Variants in TMTC4 observed in about 807,000 individuals in gnomAD.
TMTC4 encodes the protein protein O-mannosyl-transferase TMTC4.
A neutral mutation model predicts 86.0 loss-of-function variants in TMTC4; 65 were observed. That is an observed-to-expected ratio of 0.76 (90% CI 0.62 to 0.93). The LOEUF (loss-of-function observed/expected upper bound fraction) is 0.93, where lower values mean the gene tolerates loss of function less well. Ranked by LOEUF, TMTC4 falls within the 40% of genes least tolerant of loss-of-function variation. The probability of loss-of-function intolerance (pLI) is 0.00; values close to 1 mark genes in which losing one functional copy is unlikely to be tolerated. For synonymous variants in TMTC4, 379 were observed against 382.5 expected (o/e 0.99, Z 0.11); for missense variants, 866 against 948.1 (o/e 0.91, Z 1.14).
At chr13:100,643,604 G>A (rs1883323370) in intron 6 of TMTC4, among the ~76,000 whole-genome samples, 1 of 152,216 alleles carries the variant, frequency 6.6e-6, no homozygotes, top group Admixed American at 6.5e-5. Context: ...TGGGGTAGAG[G>A]AGGGAGAAAG....
intron 15 of TMTC4, among the ~76,000 whole-genome samples, chr13:100,620,155 C>CT (rs1223866608): frequency 6.6e-6 from 1 of 152,220 alleles, no homozygotes; most frequent in Non-Finnish European, 1.5e-5. Flanking sequence ...CAGTCCTACG[C>CT]TTACCCTTCT....
chr13:100,647,346 T>A (rs1883889335), intron 6 of TMTC4, among the ~76,000 whole-genome samples: 1 of 152,166 alleles, frequency 6.6e-6, no homozygotes, highest in Non-Finnish European at 1.5e-5. Context: ...CCGGGCTCCA[T>A]CCATTGTTTT....
chr13:100,656,266 C>T, intron 6 of TMTC4, 115 bp downstream of exon 6: 1 of 800,078 alleles, frequency 1.2e-6, no homozygotes, highest in Non-Finnish European at 2.0e-6. Context: ...TGGCCCAGAT[C>T]CCCTCAGAGT....
chr13:100,623,402 T>C (rs971837946), intron 15 of TMTC4, among the ~76,000 whole-genome samples: 3 of 152,226 alleles, frequency 2.0e-5, no homozygotes, highest in African/African-American at 7.2e-5. Context: ...CTGGCTATTT[T>C]TTGTATTTTT....
chr13:100,621,822 T>C (rs778830915), intron 15 of TMTC4, among the ~76,000 whole-genome samples: 6 of 152,240 alleles, frequency 3.9e-5, no homozygotes, highest in Non-Finnish European at 8.8e-5. Flanking sequence ...TACACCCATA[T>C]ATTCATAACC....
intron 12 of TMTC4, among the ~76,000 whole-genome samples, chr13:100,630,931 A>C (rs973902041): frequency 2.0e-5 from 3 of 152,228 alleles, no homozygotes; most frequent in Non-Finnish European, 4.4e-5. Flanking sequence ...ATTGGTAAAC[A>C]GGTTTCCCTA....
intron 1 of TMTC4, among the ~76,000 whole-genome samples, chr13:100,673,478 G>A (rs1223123923): frequency 6.6e-6 from 1 of 152,182 alleles, no homozygotes; most frequent in African/African-American, 2.4e-5. Context: ...CAGCGCCTCT[G>A]GGAATCAGAT....
chr13:100,643,237 A>G (rs1447927247), intron 6 of TMTC4, among the ~76,000 whole-genome samples: 2 of 152,262 alleles, frequency 1.3e-5, no homozygotes, highest in Admixed American at 1.3e-4. Flanking sequence ...AAGTGGGACA[A>G]AAGCGAACCT....
chr13:100,674,027 A>C, intron 1 of TMTC4: 6 of 985,320 alleles, frequency 6.1e-6, no homozygotes, highest in Non-Finnish European at 7.2e-6. Context: ...AAAAAAAAGA[A>C]AAACACACAC....
intron 12 of TMTC4, among the ~76,000 whole-genome samples, chr13:100,629,700 A>G (rs1246453545): frequency 1.3e-5 from 2 of 152,154 alleles, no homozygotes; most frequent in Non-Finnish European, 2.9e-5. Flanking sequence ...TTAAACCCTC[A>G]GCACCCCAGA....
At position 100,637,613 on chromosome 13, in the gene TMTC4, C is replaced by G; in HGVS notation, c.924G>C (p.Arg308Ser). Reference protein sequence around the residue: ...GGAGMLYVRWRIMGTGPPAFT... With the variant: ...GGAGMLYVRWSIMGTGPPAFT... ...AGGCCGGCGGGCCCGTGCCCATGAT[C>G]CTCCAGCGCACGTAGAGCATCCCAG... The change falls in exon 9 of 19, where the codon AGG becomes AGC. Residue 308 changes from arginine to serine, a missense_variant. Arg to Ser is a moderately radical substitution (Grantham distance 110, BLOSUM62 -1). Coordinates refer to ENST00000342624, the MANE Select transcript of TMTC4 (RefSeq NM_032813.5). The G allele has an allele frequency of 6.2e-7, 1 of 1,614,204 alleles. No homozygotes were observed. Among genetic ancestry groups the G allele is most frequent in the Non-Finnish European group, 8.5e-7 (1 of 1,180,040 alleles).
intron 1 of TMTC4, chr13:100,674,029 AAC>A (rs1356656641): frequency 7.1e-6 from 7 of 985,236 alleles, no homozygotes; most frequent in Non-Finnish European, 8.4e-6. Context: ...AAAAAAGAAA[AAC>A]ACACACGCAG....
chr13:100,656,002 G>A (rs1169551742), intron 6 of TMTC4, among the ~76,000 whole-genome samples: 1 of 152,186 alleles, frequency 6.6e-6, no homozygotes, highest in Non-Finnish European at 1.5e-5. Context: ...GCCACCTTTG[G>A]AAGCTATGAA....
intron 7 of TMTC4, among the ~76,000 whole-genome samples, chr13:100,639,013 T>A (rs906109420): frequency 6.6e-6 from 1 of 152,234 alleles, no homozygotes; most frequent in African/African-American, 2.4e-5. Context: ...CTATTCTCTC[T>A]CCTGCCATGG....
chr13:100,623,606 T>C (rs1879892998), intron 15 of TMTC4, among the ~76,000 whole-genome samples: 1 of 150,088 alleles, frequency 6.7e-6, no homozygotes, highest in Non-Finnish European at 1.5e-5. Flanking sequence ...TGGGACGGTC[T>C]GGATGCATGT....
In TMTC4 at chr13:100,663,054, G is replaced by A. The variant is rs374670027; in HGVS notation, c.462C>T (p.Tyr154=). 3.7e-6 allele frequency: 6 copies of A among 1,614,102 alleles called. No individual in the cohort carries two copies. The highest frequency in any genetic ancestry group is 3.3e-5 in the South Asian group (3 of 91,088). ...GGTGCAGCCTCCGGCCTTTACTGGT[G>A]TACTGCAGGCCGCCAAACAGAACCG... is the stretch of plus-strand genomic sequence containing the variant. ...VFSVLFGGLQ[Y]TSKGRRLHLA... The change falls in exon 5 of 19, where the codon TAC becomes TAT. Residue 154 remains tyrosine, a synonymous_variant. Coordinates refer to ENST00000342624, the MANE Select transcript of TMTC4 (RefSeq NM_032813.5).
chr13:100,623,640 G>GTTTTTTTTTTTTTTTTT lies in TMTC4; in HGVS notation c.1836+1894_1836+1895insAAAAAAAAAAAAAAAAA, dbSNP rs71200708. ...GTCAGTTTTGGAAACTACTAGTTGG[G>GTTTTTTTTTTTTTTTTT]TTTTGTTTTTTTTTTTTTTTTTTTT... On this transcript the variant is annotated intron_variant, in intron 15 of 18. Coordinates refer to ENST00000342624, the MANE Select transcript of TMTC4 (RefSeq NM_032813.5). Among the ~76,000 whole-genome samples the GTTTTTTTTTTTTTTTTT allele has an allele frequency of 6.2e-5, 6 of 96,166 alleles. 2 individuals carry two copies. Among genetic ancestry groups the GTTTTTTTTTTTTTTTTT allele is most frequent in the African/African-American group, 3.4e-5 (1 of 29,002 alleles). The allele number at this position is 96,166 out of a possible 152,430, so 63.1% of individuals were successfully genotyped here.
intron 6 of TMTC4, 98 bp from the exon 7 acceptor site, chr13:100,642,409 C>G: frequency 7.3e-7 from 1 of 1,365,060 alleles, no homozygotes; most frequent in Non-Finnish European, 1.0e-6. Context: ...CTTAAACAAC[C>G]ATAACTTAAA....
At chr13:100,628,526 G>T (rs1880878786) in intron 12 of TMTC4, among the ~76,000 whole-genome samples, 1 of 152,118 alleles carries the variant, frequency 6.6e-6, no homozygotes, top group Non-Finnish European at 1.5e-5. Context: ...TGAATTGTTG[G>T]ATCACAGAAT....
Sources: gnomAD v4.1 joint callset for allele counts (sites outside exome capture counted in the v4.1 genomes callset) on GRCh38, gnomAD v4.1.1 for gene constraint, MANE v1.5 for transcripts, NCBI Gene and HGNC (gene_info 2026-07-23, HGNC 2026-07-21) for gene names.